Variants in RBKS observed in about 807,000 individuals in gnomAD.
The protein encoded by RBKS is ribokinase.
A neutral mutation model predicts 33.9 loss-of-function variants in RBKS; 33 were observed. The observed-to-expected ratio is 0.97, with a 90% CI of 0.74 to 1.30. The LOEUF is 1.30. Among genes scored for constraint, RBKS ranks in the 50% most tolerant of loss-of-function variants. RBKS has a pLI of 0.00. For missense variants in RBKS, 361 were observed against 392.6 expected (o/e 0.92, Z 0.68); for synonymous variants, 125 against 143.0 (o/e 0.87, Z 0.90).
chr2:27,822,746 T>G (rs961562068), intron 7 of RBKS, among the ~76,000 whole-genome samples: 9 of 151,880 alleles, frequency 5.9e-5, no homozygotes, highest in African/African-American at 2.2e-4. Context: ...ATGTGAAGGA[T>G]AGAAAGAAAG....
chr2:27,881,259 G>A (rs1664411252), intron 1 of RBKS, among the ~76,000 whole-genome samples: 1 of 150,728 alleles, frequency 6.6e-6, no homozygotes, highest in Admixed American at 6.6e-5. Flanking sequence ...AGAAAAATAA[G>A]GCCAGGCACA....
At chr2:27,838,185 A>G (rs540043807) in intron 5 of RBKS, among the ~76,000 whole-genome samples, 1 of 152,288 alleles carries the variant, frequency 6.6e-6, no homozygotes, top group South Asian at 2.1e-4. Context: ...GGGCGGGCAG[A>G]ATGAGACTCT....
intron 7 of RBKS, among the ~76,000 whole-genome samples, chr2:27,785,946 T>TA (rs1558531806): frequency 6.6e-6 from 1 of 152,178 alleles, no homozygotes; most frequent in Non-Finnish European, 1.5e-5. Context: ...GTCTATCAAA[T>TA]AGGATGAATA....
At chr2:27,861,327 G>C in intron 1 of RBKS, 1 of 391,904 alleles carries the variant, frequency 2.6e-6, no homozygotes, top group Admixed American at 3.0e-5. Flanking sequence ...CTGAAATGAG[G>C]ATGTGGAGGT....
At chr2:27,850,622 A>T (rs1663728340) in intron 2 of RBKS, among the ~76,000 whole-genome samples, 1 of 152,188 alleles carries the variant, frequency 6.6e-6, no homozygotes, top group African/African-American at 2.4e-5. Flanking sequence ...TATGCAACTA[A>T]AGTTCCTCTG....
intron 7 of RBKS, among the ~76,000 whole-genome samples, chr2:27,816,949 T>C (rs1678107306): frequency 6.6e-6 from 1 of 152,208 alleles, no homozygotes; most frequent in South Asian, 2.1e-4. Flanking sequence ...TTTCAAATCA[T>C]TTATAAGGAG....
chr2:27,851,276 C>A (rs1336709067), intron 2 of RBKS, among the ~76,000 whole-genome samples: 1 of 152,180 alleles, frequency 6.6e-6, no homozygotes, highest in Non-Finnish European at 1.5e-5. Context: ...TCAAACCTCA[C>A]CTGTTTTTCA....
At chr2:27,838,256 T>A (rs573369045) in intron 5 of RBKS, among the ~76,000 whole-genome samples, 1 of 152,126 alleles carries the variant, frequency 6.6e-6, no homozygotes, top group South Asian at 2.1e-4. Flanking sequence ...GTGTCTAAAA[T>A]AAAAGATGGA....
In RBKS at chr2:27,819,572, T is replaced by C. The variant is rs1045276362; in HGVS notation, c.795+7995A>G. Among the ~76,000 whole-genome samples, 7 of 152,166 alleles carry C rather than the reference T, an allele frequency of 4.6e-5. No homozygotes were observed. The East Asian group carries it at 1.4e-3, about 29-fold the overall frequency. On this transcript the variant is annotated intron_variant, in intron 7 of 7. Transcript: ENST00000302188. ...TACCTAAACATGAGGCATCACCTAT[T>C]GGCCGATCCCTTTTACAACTCCAGA... is the stretch of plus-strand genomic sequence containing the variant.
At chr2:27,802,249 A>G (rs1458747122) in intron 7 of RBKS, among the ~76,000 whole-genome samples, 3 of 151,332 alleles carry the variant, frequency 2.0e-5, no homozygotes, top group Admixed American at 6.6e-5. Flanking sequence ...TGATCCAGTC[A>G]CCTCCCACAA....
chr2:27,856,317 G>A (rs1663855006), intron 2 of RBKS, among the ~76,000 whole-genome samples: 1 of 152,188 alleles, frequency 6.6e-6, no homozygotes, highest in East Asian at 1.9e-4. Flanking sequence ...CATGGTAGAT[G>A]TATAGAACTT....
At chr2:27,794,027 C>T (rs1366405333) in intron 7 of RBKS, among the ~76,000 whole-genome samples, 5 of 152,010 alleles carry the variant, frequency 3.3e-5, no homozygotes, top group African/African-American at 1.2e-4. Context: ...GGGCTGGGCG[C>T]GGTGGCTCAT....
intron 7 of RBKS, among the ~76,000 whole-genome samples, chr2:27,824,184 T>G (rs1678268631): frequency 6.6e-6 from 1 of 152,202 alleles, no homozygotes; most frequent in Admixed American, 6.5e-5. Context: ...GTTTTCAAGG[T>G]GCATCCATGT....
chr2:27,815,340 G>A (rs1356648522), intron 7 of RBKS, among the ~76,000 whole-genome samples: 1 of 152,062 alleles, frequency 6.6e-6, no homozygotes, highest in Non-Finnish European at 1.5e-5. Flanking sequence ...CCGAAGTAGT[G>A]GGGACTACAG....
At chr2:27,853,108 G>A (rs969642195) in intron 2 of RBKS, among the ~76,000 whole-genome samples, 5 of 152,066 alleles carry the variant, frequency 3.3e-5, no homozygotes, top group African/African-American at 4.8e-5. Flanking sequence ...GGCTTATGCC[G>A]TAATCCTAGC....
chr2:27,868,406 T>TA (rs1664140920), intron 1 of RBKS, among the ~76,000 whole-genome samples: 1 of 152,212 alleles, frequency 6.6e-6, no homozygotes. Flanking sequence ...AAAAAACACA[T>TA]AGCTGTTAGG....
chr2:27,843,176 A>G lies in RBKS; in HGVS notation c.405T>C (p.Asp135=). The G allele has an allele frequency of 6.2e-7, 1 of 1,612,988 alleles. No individual in the cohort carries two copies. The highest frequency in any genetic ancestry group is 1.1e-5 in the South Asian group (1 of 90,826). ...TAATGACATTGGCTGCTGCCCTCAGATCCTCCGTATTCAAAAGTAAATTTG... is the reference window on the plus strand; with the variant it reads ...TAATGACATTGGCTGCTGCCCTCAGGTCCTCCGTATTCAAAAGTAAATTTG... ...AGANLLLNTE[D]LRAAANVISR... The change falls in exon 5 of 8, where the codon GAT becomes GAC. Residue 135 remains aspartate, a synonymous_variant. Transcript: ENST00000302188.
chr2:27,872,696 T>A (rs1265004501), intron 1 of RBKS, among the ~76,000 whole-genome samples: 3 of 152,064 alleles, frequency 2.0e-5, no homozygotes, highest in Non-Finnish European at 1.5e-5. Context: ...ACCAAAAAAA[T>A]ATATAACAAC....
At chr2:27,853,860 T>C (rs369752081) in intron 2 of RBKS, among the ~76,000 whole-genome samples, 2 of 152,184 alleles carry the variant, frequency 1.3e-5, no homozygotes, top group African/African-American at 2.4e-5. Context: ...CCAATCAACA[T>C]AGCCAACTAA....
Sources: gnomAD v4.1 joint callset for allele counts (sites outside exome capture counted in the v4.1 genomes callset) on GRCh38, gnomAD v4.1.1 for gene constraint, MANE v1.5 for transcripts, NCBI Gene and HGNC (gene_info 2026-07-23, HGNC 2026-07-21) for gene names.